The following NCOA1 variants were observed in gnomAD, a reference collection of about 807,000 sequenced individuals.
The protein encoded by NCOA1 is Hin-2 protein.
NCOA1 carries 35 observed loss-of-function variants against 150.9 expected under a neutral mutation model. The observed-to-expected ratio is 0.23, with a 90% CI of 0.18 to 0.31. NCOA1 has a LOEUF of 0.31. NCOA1 is among the 10% of genes least tolerant of loss of function. The pLI is 1.00. For synonymous variants in NCOA1, 590 were observed against 630.0 expected (o/e 0.94, Z 0.95); for missense variants, 1,491 against 1,749.3 (o/e 0.85, Z 2.63).
intron 6 of NCOA1, among the ~76,000 whole-genome samples, chr2:24,672,838 A>G (rs1195495774): frequency 6.6e-6 from 1 of 152,222 alleles, no homozygotes; most frequent in Non-Finnish European, 1.5e-5. Flanking sequence ...GGGATATGCA[A>G]CATCACCTCA....
chr2:24,557,538 C>T (rs1430906783), intron 1 of NCOA1, among the ~76,000 whole-genome samples: 2 of 151,494 alleles, frequency 1.3e-5, no homozygotes, highest in South Asian at 2.1e-4. Context: ...CTTCTTCTTC[C>T]TCCTTCTCCC....
intron 17 of NCOA1, among the ~76,000 whole-genome samples, chr2:24,738,922 A>C (rs943500558): frequency 6.6e-6 from 1 of 152,204 alleles, no homozygotes; most frequent in Non-Finnish European, 1.5e-5. Flanking sequence ...TAATGAAATC[A>C]TACTGGATTT....
intron 3 of NCOA1, among the ~76,000 whole-genome samples, chr2:24,634,090 A>G (rs1669826583): frequency 6.6e-6 from 1 of 152,214 alleles, no homozygotes; most frequent in Admixed American, 6.5e-5. Context: ...TACATTTTAA[A>G]CATATATTTC....
chr2:24,552,961 A>C (rs1665922962), intron 1 of NCOA1, among the ~76,000 whole-genome samples: 1 of 152,144 alleles, frequency 6.6e-6, no homozygotes, highest in South Asian at 2.1e-4. Context: ...TCCCCTTTTA[A>C]AATCCATCTT....
intron 13 of NCOA1, among the ~76,000 whole-genome samples, chr2:24,710,713 T>C (rs1015461697): frequency 4.9e-5 from 3 of 61,520 alleles, no homozygotes; most frequent in African/African-American, 9.8e-5. Context: ...TCCTGCAGTA[T>C]ATGAATACTA....
At chr2:24,767,937 G>A (rs1665149926) in intron 22 of NCOA1, 4 of 707,708 alleles carry the variant, frequency 5.7e-6, no homozygotes, top group Admixed American at 5.3e-5. Context: ...TCCCAATCTT[G>A]GCAACATTAG....
Position 24,768,516 on chromosome 2 carries a change from C to CAAAAAAAAAAAAAAA in NCOA1, c.*136_*150dup, listed in dbSNP as rs772970404. The CAAAAAAAAAAAAAAA allele has an allele frequency of 1.9e-5, 1 of 52,750 alleles. No individual in the cohort carries two copies. Among genetic ancestry groups the CAAAAAAAAAAAAAAA allele is most frequent in the African/African-American group, 8.1e-5 (1 of 12,388 alleles). The allele number at this position is 52,750 out of a possible 1,614,324, so 3.3% of individuals were successfully genotyped here. On this transcript the variant is annotated 3_prime_UTR_variant, in exon 23 of 23. Transcript: ENST00000348332. ...ATTCTTCAGGTCGTAGCATTTGGAGCAAAAAAAAAAAAAAAAAAAAAAAAA... is the reference window on the plus strand; with the variant it reads ...ATTCTTCAGGTCGTAGCATTTGGAGCAAAAAAAAAAAAAAAAAAAAAAAAAAAAAAAAAAAAAAAA...
At chr2:24,625,974 C>A (rs1669390735) in intron 3 of NCOA1, among the ~76,000 whole-genome samples, 2 of 152,084 alleles carry the variant, frequency 1.3e-5, no homozygotes, top group Admixed American at 1.3e-4. Flanking sequence ...ACAATGTATT[C>A]TATAGTTGTT....
chr2:24,610,686 A>G (rs1367782725), intron 3 of NCOA1, among the ~76,000 whole-genome samples: 1 of 151,340 alleles, frequency 6.6e-6, no homozygotes, highest in East Asian at 1.9e-4. Context: ...TAATTCTAAT[A>G]TCTGAAATTT....
chr2:24,718,508 C>T (rs1010653842), intron 14 of NCOA1, among the ~76,000 whole-genome samples: 1 of 152,082 alleles, frequency 6.6e-6, no homozygotes, highest in African/African-American at 2.4e-5. Context: ...AGATACTTGA[C>T]TACAAATATC....
At chr2:24,627,900 C>G (rs908909325) in intron 3 of NCOA1, among the ~76,000 whole-genome samples, 6 of 152,246 alleles carry the variant, frequency 3.9e-5, no homozygotes, top group African/African-American at 1.4e-4. Flanking sequence ...CAAAAATGCT[C>G]TTCCTCCAAG....
chr2:24,606,133 A>G (rs1212025756), intron 3 of NCOA1, among the ~76,000 whole-genome samples: 2 of 152,152 alleles, frequency 1.3e-5, no homozygotes, highest in Non-Finnish European at 1.5e-5. Flanking sequence ...ATGTTTTACC[A>G]GTAATGATTG....
intron 3 of NCOA1, among the ~76,000 whole-genome samples, chr2:24,603,065 A>G (rs188582953): frequency 2.6e-5 from 4 of 152,386 alleles, no homozygotes; most frequent in Non-Finnish European, 5.9e-5. Context: ...GACTACCACA[A>G]TAAAGCAAAT....
chr2:24,549,593 G>A (rs1318696376), intron 1 of NCOA1, among the ~76,000 whole-genome samples: 1 of 152,078 alleles, frequency 6.6e-6, no homozygotes, highest in Non-Finnish European at 1.5e-5. Flanking sequence ...TTAAGACAGA[G>A]TCTCACTCTG....
chr2:24,572,094 A>G (rs917482007), intron 2 of NCOA1, among the ~76,000 whole-genome samples: 4 of 152,202 alleles, frequency 2.6e-5, no homozygotes, highest in Admixed American at 1.3e-4. Context: ...ATATGTATCT[A>G]GTAAATACGC....
At chr2:24,653,846 T>A (rs1284064002) in intron 4 of NCOA1, among the ~76,000 whole-genome samples, 1 of 152,184 alleles carries the variant, frequency 6.6e-6, no homozygotes, top group Non-Finnish European at 1.5e-5. Flanking sequence ...TAGCCAACTC[T>A]TTTCTTTTGA....
intron 2 of NCOA1, among the ~76,000 whole-genome samples, chr2:24,567,519 G>A (rs1380300690): frequency 6.6e-6 from 1 of 152,172 alleles, no homozygotes; most frequent in African/African-American, 2.4e-5. Context: ...GGGCTAGGAA[G>A]ACTAGATACA....
chr2:24,705,125 T>G lies in NCOA1; in HGVS notation c.989T>G (p.Phe330Cys). 1 of 1,614,102 alleles carries G rather than the reference T, an allele frequency of 6.2e-7. No individual in the cohort carries two copies. The change falls in exon 12 of 23, where the codon TTC (phenylalanine) becomes TGC (cysteine). Residue 330 changes from phenylalanine to cysteine, a missense_variant. This residue lies in a region of NCOA1 where 703 missense variants were observed against 717.7 expected (regional missense o/e 0.98). Coordinates refer to ENST00000348332, the MANE Select transcript of NCOA1 (RefSeq NM_003743.5). ...ACTGCCTCCAGCCCCTCCTATAGAT[T>G]CATATTGAATGATGGGACAATGCTT... ...RGTASSPSYR[F>C]ILNDGTMLSA...
intron 3 of NCOA1, among the ~76,000 whole-genome samples, chr2:24,613,914 A>C (rs1048565689): frequency 1.3e-5 from 2 of 152,136 alleles, no homozygotes; most frequent in Non-Finnish European, 2.9e-5. Context: ...CATAGCATAG[A>C]TGATTCAGGC....
Sources: allele counts gnomAD v4.1 joint callset (sites outside exome capture counted in the v4.1 genomes callset), GRCh38; gene constraint gnomAD v4.1.1; regional missense constraint gnomAD v4.1.1; transcripts MANE v1.5; gene names NCBI Gene and HGNC (gene_info 2026-07-23, HGNC 2026-07-21).